PCDHGB1: variants seen among roughly 807,000 people sequenced by gnomAD.
PCDHGB1 encodes protocadherin gamma subfamily B, 1, also known as protocadherin gamma-B1.
Under a neutral mutation model 56.6 loss-of-function variants are expected in PCDHGB1, and 34 were observed. The observed-to-expected ratio is 0.60, with a 90% CI of 0.46 to 0.80. The LOEUF (loss-of-function observed/expected upper bound fraction) is 0.80. Ranked by LOEUF, PCDHGB1 falls within the 30% of genes least tolerant of loss-of-function variation. The pLI, the probability that PCDHGB1 is intolerant of heterozygous loss-of-function variation, is 0.00. For missense variants in PCDHGB1, 1,278 were observed against 1,204.6 expected, an observed-to-expected ratio of 1.06 and a Z score of -0.90; for synonymous variants, 561 against 505.9, an observed-to-expected ratio of 1.11 and a Z score of -1.46.
rs778819723 is a variant in PCDHGB1 at position 141,398,637 on chromosome 5, T to C, written c.2409+45968T>C. 1.9e-6 allele frequency: 3 copies of C among 1,613,908 alleles called. No homozygotes were observed. The African/African-American group carries it at 4.0e-5, about 22-fold the overall frequency. On this transcript the variant is annotated intron_variant, in intron 1 of 3. Transcript: ENST00000523390. ...TTGGCTTAAACTCTCTGCAGAAGTATAAACTCTCTCTTAACCCAAGTTTCT... is the reference window on the plus strand; with the variant it reads ...TTGGCTTAAACTCTCTGCAGAAGTACAAACTCTCTCTTAACCCAAGTTTCT...
In PCDHGB1 at chr5:141,364,723, G is replaced by A. The variant is rs746438679; in HGVS notation, c.2409+12054G>A. On this transcript the variant is annotated intron_variant, in intron 1 of 3. Coordinates refer to ENST00000523390, the MANE Select transcript of PCDHGB1 (RefSeq NM_018922.3). ...TAATCGATATTAATGATAACTTCCC[G>A]CGTTTCCGGGATGAAGAGTTAAAAG... 4 of 1,613,938 alleles carry A rather than the reference G, an allele frequency of 2.5e-6. No homozygotes were observed. The East Asian group carries it at 6.7e-5, about 27-fold the overall frequency.
intron 1 of PCDHGB1, chr5:141,394,624 T>C (rs542816387): frequency 6.2e-7 from 1 of 1,613,110 alleles, no homozygotes; most frequent in African/African-American, 1.3e-5. Flanking sequence ...AACGCCTGGC[T>C]GTCCTACCGC....
In PCDHGB1 at chr5:141,361,474, G is replaced by A. The variant is rs773626542; in HGVS notation, c.2409+8805G>A. ...CACCCTGCACATCTCCGACGTCAAC[G>A]ATAATGCCCCAGTTTTCCAACAGAC... is the stretch of plus-strand genomic sequence containing the variant. On this transcript the variant is annotated intron_variant, in intron 1 of 3. Transcript: ENST00000523390. 19 of 1,613,872 alleles carry A rather than the reference G, an allele frequency of 1.2e-5. No homozygotes were observed. The highest frequency in any genetic ancestry group is 1.5e-5 in the Non-Finnish European group (18 of 1,179,900).
Position 141,394,271 on chromosome 5 carries a change from G to C in PCDHGB1, c.2409+41602G>C, listed in dbSNP as rs768847661. The stretch of plus-strand genomic sequence containing the variant: ...ACCCCGACAGCCAGGAGAATGCCCA[G>C]GTCACTTACTCTGTGACCGAGGACA... On this transcript the variant is annotated intron_variant, in intron 1 of 3. Transcript: ENST00000523390. 9 of 1,613,862 alleles carry C rather than the reference G, an allele frequency of 5.6e-6. No individual in the cohort carries two copies. In the South Asian group the frequency reaches 9.9e-5, roughly 18 times the overall value.
chr5:141,487,933 A>ACCCTGTG lies in PCDHGB1; in HGVS notation c.2410-6873_2410-6872insCCTGTGC. 1.6e-6 allele frequency: 1 copy of ACCCTGTG among 612,004 alleles called. No individual in the cohort carries two copies. The highest frequency in any genetic ancestry group is 1.8e-5 in the African/African-American group (1 of 54,216). The allele number at this position is 612,004 out of a possible 1,614,324, so 37.9% of individuals were successfully genotyped here. On this transcript the variant is annotated intron_variant, in intron 1 of 3. Coordinates refer to ENST00000523390, the MANE Select transcript of PCDHGB1 (RefSeq NM_018922.3). The surrounding 1 kb of genome is among the most constrained non-coding windows in gnomAD (Gnocchi z 5.0). ...CACAGGAGGCTACAGTGCACAGGGT[A>ACCCTGTG]CAGTGCACCAGGCAGTCACTTGGAC... is the stretch of plus-strand genomic sequence containing the variant.
At position 141,352,195 on chromosome 5, in the gene PCDHGB1, A is replaced by T. The variant is rs1010482116; in HGVS notation, c.1935A>T (p.Gly645=). Residue 645 remains glycine (G), a synonymous_variant, in exon 1 of 4, where the codon GGA becomes GGT. Coordinates refer to ENST00000523390, the MANE Select transcript of PCDHGB1 (RefSeq NM_018922.3). ...GCCTGCTGGTCGCTGTGCGTGATGGAGGACAGCCGCCACTCTCCGCCACCG... is the reference window on the plus strand; with the variant it reads ...GCCTGCTGGTCGCTGTGCGTGATGGTGGACAGCCGCCACTCTCCGCCACCG... ...RQRLLVAVRD[G]GQPPLSATAT... is the part of the protein sequence containing the mutation. The T allele has an allele frequency of 1.0e-4, 166 of 1,613,752 alleles. No individual in the cohort carries two copies. Among genetic ancestry groups the T allele is most frequent in the Non-Finnish European group, 1.3e-4 (159 of 1,179,880 alleles).
chr5:141,365,834 T>C (rs980364147), intron 1 of PCDHGB1: 8 of 1,613,928 alleles, frequency 5.0e-6, no homozygotes, highest in South Asian at 1.1e-5. Flanking sequence ...GGCGCCCTTG[T>C]CCTCCTATGT....
At chr5:141,414,394 A>G in intron 1 of PCDHGB1, 1 of 1,613,930 alleles carries the variant, frequency 6.2e-7, no homozygotes, top group Non-Finnish European at 8.5e-7. Flanking sequence ...CAGTTATTAC[A>G]GATTGGTGAT....
chr5:141,474,169 T>C (rs1268235616), intron 1 of PCDHGB1, among the ~76,000 whole-genome samples: 2 of 152,232 alleles, frequency 1.3e-5, no homozygotes, highest in Non-Finnish European at 2.9e-5. Context: ...GGCCTTATTA[T>C]TGAGAAAACT....
chr5:141,350,782 CTT>C lies in PCDHGB1; in HGVS notation c.523_524del (p.Phe175LeufsTer9). On this transcript the variant is annotated frameshift_variant, in exon 1 of 4. Transcript: ENST00000523390. LOFTEE classifies it high-confidence loss of function. Reference protein sequence around the residue: ...KLYTINPNQYFSLSTKESPDG... With the variant: ...KLYTINPNQYXSLSTKESPDG... Reference sequence around the variant, plus strand: ...TATACACCATCAACCCCAATCAATACTTCTCTCTGTCAACGAAGGAAAGTCCT... The same window carrying C: ...TATACACCATCAACCCCAATCAATACCTCTCTGTCAACGAAGGAAAGTCCT... 1 of 1,613,954 alleles carries C rather than the reference CTT, an allele frequency of 6.2e-7. No homozygotes were observed. The highest frequency in any genetic ancestry group is 8.5e-7 in the Non-Finnish European group (1 of 1,179,884).
intron 1 of PCDHGB1, chr5:141,357,260 C>T: frequency 1.1e-5 from 17 of 1,613,796 alleles, no homozygotes; most frequent in Non-Finnish European, 1.4e-5. Context: ...CCAGACGACT[C>T]GGGCCTCACA....
intron 1 of PCDHGB1, chr5:141,415,469 C>T (rs1247738517): frequency 1.9e-6 from 3 of 1,614,208 alleles, no homozygotes; most frequent in South Asian, 2.2e-5. Flanking sequence ...TCTCTCACCG[C>T]GGACTCGCGA....
At chr5:141,428,066 A>T in intron 1 of PCDHGB1, 2 of 1,609,118 alleles carry the variant, frequency 1.2e-6, no homozygotes, top group Non-Finnish European at 1.7e-6. Context: ...CGGTGGACGC[A>T]GATTCGGGAC....
At chr5:141,373,732 C>T (rs969264007) in intron 1 of PCDHGB1, among the ~76,000 whole-genome samples, 1 of 152,174 alleles carries the variant, frequency 6.6e-6, no homozygotes, top group African/African-American at 2.4e-5. Flanking sequence ...CTTCTAAATG[C>T]TTCATTATCT....
chr5:141,470,022 G>A (rs892106953), intron 1 of PCDHGB1, among the ~76,000 whole-genome samples: 2 of 152,188 alleles, frequency 1.3e-5, no homozygotes, highest in African/African-American at 2.4e-5. Context: ...CCAGCTACTC[G>A]GGATGCTGAG....
At chr5:141,416,011 G>A (rs2095982763) in intron 1 of PCDHGB1, 2 of 239,912 alleles carry the variant, frequency 8.3e-6, no homozygotes, top group Non-Finnish European at 7.8e-6. Flanking sequence ...GGTAAGAATA[G>A]GTAAGTATCA....
Position 141,489,699 on chromosome 5 carries a change from A to G in PCDHGB1, c.2410-5108A>G. ...CAGCAGCATCTGGGGCACGATTCCC[A>G]CTGGACAGTGCCCAGGATCCGGATG... is the stretch of plus-strand genomic sequence containing the variant. On this transcript the variant is annotated intron_variant, in intron 1 of 3. Transcript: ENST00000523390. The surrounding 1 kb of genome is among the most constrained non-coding windows in gnomAD (Gnocchi z 4.5). The G allele has an allele frequency of 6.2e-7, 1 of 1,614,102 alleles. No homozygotes were observed. The highest frequency in any genetic ancestry group is 8.5e-7 in the Non-Finnish European group (1 of 1,179,956).
chr5:141,430,629 C>A, intron 1 of PCDHGB1: 1 of 812,246 alleles, frequency 1.2e-6, no homozygotes. Context: ...AGGAATGAAC[C>A]ATCCCTGGGA....
At chr5:141,357,397 G>A in intron 1 of PCDHGB1, 2 of 1,614,242 alleles carry the variant, frequency 1.2e-6, no homozygotes, top group Non-Finnish European at 1.7e-6. Flanking sequence ...CAGCAGGTTG[G>A]CAGGTGTGCC....
Sources: allele counts gnomAD v4.1 joint callset (sites outside exome capture counted in the v4.1 genomes callset), GRCh38; gene constraint gnomAD v4.1.1; non-coding constraint Gnocchi (gnomAD v3.1); transcripts MANE v1.5; gene names NCBI Gene and HGNC (gene_info 2026-07-23, HGNC 2026-07-21).